The following CRYL1 variants were observed in gnomAD, a reference collection of about 807,000 sequenced individuals.
CRYL1 encodes the protein lambda-crystallin homolog.
Under a neutral mutation model 36.6 loss-of-function variants are expected in CRYL1, and 29 were observed. The observed-to-expected ratio is 0.79, with a 90% confidence interval of 0.59 to 1.08. The LOEUF (loss-of-function observed/expected upper bound fraction) is 1.08, where lower values mean the gene tolerates loss of function less well. Ranked by LOEUF, CRYL1 falls within the 50% of genes least tolerant of loss-of-function variation. The probability of loss-of-function intolerance (pLI) is 0.00; values close to 1 mark genes in which losing one functional copy is unlikely to be tolerated. For missense variants in CRYL1, 411 were observed against 407.9 expected, an observed-to-expected ratio of 1.01 and a Z score of -0.06; for synonymous variants, 152 against 151.5, an observed-to-expected ratio of 1.00 and a Z score of -0.02.
intron 1 of CRYL1, among the ~76,000 whole-genome samples, chr13:20,522,389 G>C (rs1469550577): frequency 2.0e-5 from 3 of 151,576 alleles, no homozygotes; most frequent in African/African-American, 4.9e-5. Flanking sequence ...CAAAATTTTG[G>C]AATTAAAAAA....
At chr13:20,467,642 C>T (rs2032966558) in intron 3 of CRYL1, among the ~76,000 whole-genome samples, 1 of 152,110 alleles carries the variant, frequency 6.6e-6, no homozygotes, top group Non-Finnish European at 1.5e-5. Context: ...GCCAACATGG[C>T]GAAACCCATC....
chr13:20,427,014 G>A, intron 5 of CRYL1: 1 of 985,470 alleles, frequency 1.0e-6, no homozygotes, highest in East Asian at 1.1e-4. Context: ...ACCTGCCGAG[G>A]GTTGCAGATT....
chr13:20,412,370 T>A (rs1219204636), intron 6 of CRYL1, among the ~76,000 whole-genome samples: 1 of 152,196 alleles, frequency 6.6e-6, no homozygotes, highest in African/African-American at 2.4e-5. Context: ...CTGCATACAA[T>A]ATTTCTTTTC....
intron 3 of CRYL1, among the ~76,000 whole-genome samples, chr13:20,448,496 G>A (rs758290050): frequency 3.9e-5 from 6 of 152,102 alleles, no homozygotes; most frequent in Non-Finnish European, 8.8e-5. Flanking sequence ...AAGTTTCTAG[G>A]TACCTAGGTA....
At chr13:20,426,917 G>A (rs1460070499) in intron 5 of CRYL1, 16 of 985,410 alleles carry the variant, frequency 1.6e-5, no homozygotes, top group Non-Finnish European at 1.8e-5. Context: ...TCCAGCACAG[G>A]GATGACATCA....
At chr13:20,512,347 T>A in intron 2 of CRYL1, 96 bp downstream of exon 2, 1 of 862,834 alleles carries the variant, frequency 1.2e-6, no homozygotes, top group Admixed American at 2.2e-5. Context: ...AAATGTGACA[T>A]CACAGATCCT....
chr13:20,469,357 C>G (rs113471684), intron 3 of CRYL1, among the ~76,000 whole-genome samples: 2,573 of 152,270 alleles, frequency 0.017, 24 homozygotes, highest in Middle Eastern at 0.037. Flanking sequence ...ACAAAACAAG[C>G]AATGTTTTAC....
At chr13:20,414,418 C>T (rs1394485888) in intron 5 of CRYL1, among the ~76,000 whole-genome samples, 1 of 151,898 alleles carries the variant, frequency 6.6e-6, no homozygotes, top group Admixed American at 6.6e-5. Context: ...GAGAAGCTGA[C>T]GACAAGGGGA....
rs59721380 is a variant in CRYL1, at chr13:20,430,951, C to G, written c.633+1151G>C. ...TTACTAAGAAATTCAAACCGCCGCC[C>G]TAACAGTGGAAACCCGAGCACTGTT... On this transcript the variant is annotated intron_variant, in intron 5 of 7. Coordinates refer to ENST00000298248, the MANE Select transcript of CRYL1 (RefSeq NM_015974.3). 487 of 985,404 alleles carry G rather than the reference C, an allele frequency of 4.9e-4. 4 individuals are homozygous for G. In the African/African-American group the frequency reaches 8.0e-3, roughly 16 times the overall value. The allele number at this position is 985,404 out of a possible 1,614,324, so 61.0% of individuals were successfully genotyped here. A position where few individuals can be genotyped will look rare whatever the true frequency, so the allele number is the denominator to read the frequency against.
At chr13:20,517,429 T>C (rs1240043846) in intron 1 of CRYL1, among the ~76,000 whole-genome samples, 1 of 151,754 alleles carries the variant, frequency 6.6e-6, no homozygotes, top group African/African-American at 2.4e-5. Context: ...ACTCTGTCTC[T>C]ACTGAAAATA....
chr13:20,476,371 A>G (rs1344767429), intron 3 of CRYL1, among the ~76,000 whole-genome samples: 1 of 148,002 alleles, frequency 6.8e-6, no homozygotes, highest in African/African-American at 2.6e-5. Context: ...AAAAAAAAAA[A>G]GGAAAAACGA....
At chr13:20,478,375 G>T (rs894922023) in intron 3 of CRYL1, among the ~76,000 whole-genome samples, 1 of 152,128 alleles carries the variant, frequency 6.6e-6, no homozygotes, top group Non-Finnish European at 1.5e-5. Flanking sequence ...TTTCCATCTA[G>T]ACTGACTATA....
At chr13:20,471,583 C>T (rs566061708) in intron 3 of CRYL1, among the ~76,000 whole-genome samples, 222 of 151,198 alleles carry the variant, frequency 1.5e-3, no homozygotes, top group Non-Finnish European at 2.2e-3. Context: ...CCAGCCTGGG[C>T]GACAGAGCGA....
intron 2 of CRYL1, 82 bp downstream of exon 2, chr13:20,512,361 A>G (rs1163604606): frequency 1.0e-6 from 1 of 960,226 alleles, no homozygotes; most frequent in Non-Finnish European, 1.6e-6. Context: ...AGATCCTCAT[A>G]GCCTTGAGGA....
intron 5 of CRYL1, among the ~76,000 whole-genome samples, chr13:20,416,578 C>G (rs2031671521): frequency 6.6e-6 from 1 of 152,180 alleles, no homozygotes; most frequent in African/African-American, 2.4e-5. Context: ...GCTTTCCAGG[C>G]CAACATTCCA....
rs1478933473 is a variant in CRYL1 at position 20,425,598 on chromosome 13, A to G, written c.633+6504T>C. ...ACTAGACCCATATGAATGTTGGTTG[A>G]TAAGAGGAGAGAAGAAATCAAAGGA... On this transcript the variant is annotated intron_variant, in intron 5 of 7. Coordinates refer to ENST00000298248, the MANE Select transcript of CRYL1 (RefSeq NM_015974.3). This position sits in a 1 kb window ranked among gnomAD's most constrained non-coding sequence, Gnocchi z 4.4. Among the ~76,000 whole-genome samples, 1 of 152,196 alleles carries G rather than the reference A, an allele frequency of 6.6e-6. No individual in the cohort carries two copies. The highest frequency in any genetic ancestry group is 2.4e-5 in the African/African-American group (1 of 41,460).
chr13:20,521,257 C>G (rs552481152), intron 1 of CRYL1, among the ~76,000 whole-genome samples: 4 of 151,452 alleles, frequency 2.6e-5, no homozygotes, highest in Admixed American at 6.6e-5. Flanking sequence ...AAGAGGATAA[C>G]CTTAGGGTTG....
chr13:20,414,487 G>A (rs190098728), intron 5 of CRYL1, among the ~76,000 whole-genome samples: 19 of 152,316 alleles, frequency 1.2e-4, no homozygotes, highest in Admixed American at 1.1e-3. Flanking sequence ...TTTCTGCCTA[G>A]GACCCAGGGG....
intron 3 of CRYL1, among the ~76,000 whole-genome samples, chr13:20,463,071 G>A (rs2032863828): frequency 6.6e-6 from 1 of 152,132 alleles, no homozygotes; most frequent in South Asian, 2.1e-4. Flanking sequence ...ACCCGAAGCT[G>A]GGTCTGCCCA....
Sources: allele counts gnomAD v4.1 joint callset (sites outside exome capture counted in the v4.1 genomes callset), GRCh38; gene constraint gnomAD v4.1.1; non-coding constraint Gnocchi (gnomAD v3.1); transcripts MANE v1.5; gene names NCBI Gene and HGNC (gene_info 2026-07-23, HGNC 2026-07-21).